Variants in LPP observed in about 807,000 individuals in gnomAD.
LPP encodes the protein lipoma-preferred partner.
A neutral mutation model predicts 60.4 loss-of-function variants in LPP; 38 were observed. The ratio of observed to expected loss-of-function variants is 0.63; its 90% CI spans 0.49 to 0.83. The LOEUF is 0.83. LPP is among the 40% of genes least tolerant of loss of function. LPP has a pLI of 0.00. For missense variants in LPP, 902 were observed against 783.6 expected, an observed-to-expected ratio of 1.15 and a Z score of -1.80; for synonymous variants, 328 against 290.8, an observed-to-expected ratio of 1.13 and a Z score of -1.30.
intron 3 of LPP, among the ~76,000 whole-genome samples, chr3:188,361,362 T>C (rs2150948089): frequency 6.6e-6 from 1 of 152,112 alleles, no homozygotes; most frequent in Middle Eastern, 3.4e-3. Flanking sequence ...AAAATTATGA[T>C]TTCTATCACA....
At chr3:188,582,609 A>G (rs1397630881) in intron 6 of LPP, among the ~76,000 whole-genome samples, 1 of 152,156 alleles carries the variant, frequency 6.6e-6, no homozygotes, top group Non-Finnish European at 1.5e-5. Context: ...GCTCTACAAT[A>G]TGATATAAAT....
intron 5 of LPP, among the ~76,000 whole-genome samples, chr3:188,501,381 G>A (rs1020369515): frequency 2.0e-5 from 3 of 152,164 alleles, no homozygotes; most frequent in African/African-American, 4.8e-5. Flanking sequence ...TTGGGAGGCC[G>A]AGGTGGGAGG....
intron 6 of LPP, among the ~76,000 whole-genome samples, chr3:188,544,446 C>T (rs1002628523): frequency 6.6e-6 from 1 of 152,050 alleles, no homozygotes; most frequent in Non-Finnish European, 1.5e-5. Context: ...TGTAAGCTGA[C>T]ATGAACAGAC....
At position 188,487,249 on chromosome 3, in the gene LPP, T is replaced by C. The variant is rs150437175; in HGVS notation, c.306+2545T>C. Among the ~76,000 whole-genome samples, 41 of 152,300 alleles carry C rather than the reference T, an allele frequency of 2.7e-4. 1 individual carries two copies. The East Asian group carries it at 7.5e-3, about 28-fold the overall frequency. On this transcript the variant is annotated intron_variant, in intron 5 of 11. Transcript: ENST00000617246. Reference sequence around the variant, plus strand: ...AATGAAATACAGATGGATTTGAAAGTATTAAACTGAAAGGGCTATACAAAT... The same window carrying C: ...AATGAAATACAGATGGATTTGAAAGCATTAAACTGAAAGGGCTATACAAAT...
chr3:188,781,643 G>A (rs1386047560), intron 9 of LPP, among the ~76,000 whole-genome samples: 1 of 151,848 alleles, frequency 6.6e-6, no homozygotes, highest in Non-Finnish European at 1.5e-5. Context: ...CAGCACTTTG[G>A]GAGGCCGAGG....
intron 10 of LPP, among the ~76,000 whole-genome samples, 195 bp from the exon 11 acceptor site, chr3:188,872,448 C>A (rs1768355615): frequency 6.6e-6 from 1 of 152,220 alleles, no homozygotes; most frequent in African/African-American, 2.4e-5. Context: ...CGCTCACTCT[C>A]TCACCTCGCC....
At chr3:188,348,088 G>C (rs764187924) in intron 3 of LPP, among the ~76,000 whole-genome samples, 1 of 152,090 alleles carries the variant, frequency 6.6e-6, no homozygotes, top group Non-Finnish European at 1.5e-5. Flanking sequence ...TAAGTTACTT[G>C]ATTTACTTGG....
intron 9 of LPP, among the ~76,000 whole-genome samples, chr3:188,849,505 T>G (rs547943957): frequency 2.0e-5 from 3 of 152,316 alleles, no homozygotes; most frequent in South Asian, 4.1e-4. Context: ...TATAAGAACA[T>G]TTTGAATATG....
At chr3:188,611,607 C>A (rs1401834298) in intron 7 of LPP, among the ~76,000 whole-genome samples, 1 of 152,190 alleles carries the variant, frequency 6.6e-6, no homozygotes, top group Non-Finnish European at 1.5e-5. Context: ...GACAATTTAG[C>A]CCTGCCCAAA....
chr3:188,808,024 G>A (rs1749705224), intron 9 of LPP, among the ~76,000 whole-genome samples: 4 of 152,040 alleles, frequency 2.6e-5, no homozygotes, highest in Non-Finnish European at 4.4e-5. Context: ...CCTTTAGTGT[G>A]GGGTGTTTGT....
chr3:188,440,760 T>G (rs890489021), intron 4 of LPP, among the ~76,000 whole-genome samples: 6 of 152,192 alleles, frequency 3.9e-5, no homozygotes, highest in African/African-American at 1.4e-4. Flanking sequence ...TCCAGTCCTT[T>G]GTTTATTCTG....
chr3:188,573,197 G>A (rs746977289), intron 6 of LPP, among the ~76,000 whole-genome samples: 3 of 152,064 alleles, frequency 2.0e-5, no homozygotes, highest in Non-Finnish European at 2.9e-5. Context: ...ACAACCCAAG[G>A]CACAAAAGGG....
chr3:188,744,152 A>G (rs532218232), intron 8 of LPP, among the ~76,000 whole-genome samples: 3 of 152,184 alleles, frequency 2.0e-5, no homozygotes, highest in Non-Finnish European at 4.4e-5. Context: ...ACAGCCATTT[A>G]CTTACACACG....
intron 6 of LPP, among the ~76,000 whole-genome samples, chr3:188,528,227 C>T (rs913433804): frequency 6.6e-6 from 1 of 152,188 alleles, no homozygotes; most frequent in Non-Finnish European, 1.5e-5. Flanking sequence ...TGGGGTTTCA[C>T]TATGTTGGCA....
chr3:188,616,030 G>A (rs1844784864), intron 7 of LPP, among the ~76,000 whole-genome samples: 1 of 152,102 alleles, frequency 6.6e-6, no homozygotes, highest in African/African-American at 2.4e-5. Context: ...CTCCCATTCT[G>A]TAGGTTGCCT....
intron 1 of LPP, among the ~76,000 whole-genome samples, chr3:188,185,274 G>A (rs1388032004): frequency 6.6e-6 from 1 of 151,574 alleles, no homozygotes; most frequent in Non-Finnish European, 1.5e-5. Flanking sequence ...AGCGGGCGGG[G>A]TGGGGGGAAT....
intron 3 of LPP, among the ~76,000 whole-genome samples, chr3:188,357,035 A>T (rs1309873693): frequency 2.6e-5 from 4 of 152,150 alleles, no homozygotes; most frequent in Admixed American, 2.6e-4. Flanking sequence ...CTCCATACAC[A>T]TGCAACTACC....
chr3:188,692,651 A>G (rs939646109), intron 7 of LPP, among the ~76,000 whole-genome samples: 3 of 152,176 alleles, frequency 2.0e-5, no homozygotes, highest in African/African-American at 4.8e-5. Context: ...ATTTTCTACT[A>G]TATCTTCTAG....
chr3:188,613,261 C>CCTATTATATCTATAT (rs1844101501), intron 7 of LPP, among the ~76,000 whole-genome samples: 5 of 117,336 alleles, frequency 4.3e-5, no homozygotes, highest in Admixed American at 3.4e-4. Context: ...TATATCTATA[C>CCTATTATATCTATAT]CTATATCTAT....
Sources: gnomAD v4.1 joint callset for allele counts (sites outside exome capture counted in the v4.1 genomes callset) on GRCh38, gnomAD v4.1.1 for gene constraint, MANE v1.5 for transcripts, NCBI Gene and HGNC (gene_info 2026-07-23, HGNC 2026-07-21) for gene names.